VPS52: variants seen among roughly 807,000 people sequenced by gnomAD.
VPS52 encodes VPS52 subunit of GARP complex.
VPS52 carries 56 observed loss-of-function variants against 98.7 expected under a neutral mutation model. The observed-to-expected ratio is 0.57, with a 90% CI of 0.46 to 0.71. The LOEUF (loss-of-function observed/expected upper bound fraction) is 0.71, where lower values mean the gene tolerates loss of function less well. VPS52 is among the 30% of genes least tolerant of loss of function. The pLI is 0.00. For missense variants in VPS52, 742 were observed against 925.9 expected (o/e 0.80, Z 2.58); for synonymous variants, 348 against 346.4 (o/e 1.00, Z -0.05).
At position 33,271,296 on chromosome 6, in the gene VPS52, C is replaced by T. The variant is rs550322986; in HGVS notation, c.90+290G>A. 9.5e-5 allele frequency: 60 copies of T among 633,358 alleles called. No individual in the cohort carries two copies. In the Admixed American group the frequency reaches 1.1e-3, roughly 12 times the overall value. 39.2% of individuals were successfully genotyped at this position (633,358 alleles called of 1,614,324 possible). On this transcript the variant is annotated intron_variant, in intron 1 of 19. Coordinates refer to ENST00000445902, the MANE Select transcript of VPS52 (RefSeq NM_022553.6). ...CAGCGTGTAAGTGGCAGAGATAGAA[C>T]TCAGGCAGTCTGGCTTCAGAGGCCA...
upstream of VPS52, chr6:33,271,949 G>A: frequency 9.5e-7 from 1 of 1,054,728 alleles, no homozygotes; most frequent in South Asian, 1.6e-5. Context: ...CGGAAGTTGT[G>A]GTACCCAAGC....
rs1764643028 is a variant in VPS52, at chr6:33,268,763, T to C, written c.549-114A>G. On this transcript the variant is annotated intron_variant, in intron 6 of 19. Transcript: ENST00000445902. This position sits in a 1 kb window ranked among gnomAD's most constrained non-coding sequence, Gnocchi z 4.0. ...CTGTCATCTCTACCACCTTGCATTG[T>C]ACCATATAGTCAGGACACATGTACA... 7.6e-7 allele frequency: 1 copy of C among 1,314,852 alleles called. No homozygotes were observed. The highest frequency in any genetic ancestry group is 1.5e-5 in the African/African-American group (1 of 67,308). The allele number at this position is 1,314,852 out of a possible 1,614,324, so 81.4% of individuals were successfully genotyped here.
intron 17 of VPS52, among the ~76,000 whole-genome samples, chr6:33,256,588 T>C (rs1009385068): frequency 2.0e-5 from 3 of 147,026 alleles, no homozygotes; most frequent in African/African-American, 7.5e-5. Context: ...CTATAGACAA[T>C]GTAATTCTAA....
intron 17 of VPS52, 43 bp from the exon 18 acceptor site, chr6:33,252,014 G>T: frequency 6.4e-7 from 1 of 1,556,182 alleles, no homozygotes; most frequent in Non-Finnish European, 8.8e-7. Flanking sequence ...CCTGGTGTCA[G>T]CAGATTTGCC....
intron 16 of VPS52, 83 bp downstream of exon 16, chr6:33,263,689 C>T: frequency 1.9e-6 from 3 of 1,584,686 alleles, no homozygotes; most frequent in African/African-American, 2.7e-5. Context: ...AGACAGGCAT[C>T]ATCTCTGCCC....
chr6:33,268,876 G>A lies in VPS52; in HGVS notation c.548+138C>T. 1 of 1,227,756 alleles carries A rather than the reference G, an allele frequency of 8.1e-7. No homozygotes were observed. Among genetic ancestry groups the A allele is most frequent in the Non-Finnish European group, 1.1e-6 (1 of 886,978 alleles). The allele number at this position is 1,227,756 out of a possible 1,614,324, so 76.1% of individuals were successfully genotyped here. ...CTTTGATGCCTAATGCATACCTAAAGAAATGGTGGTTAACCTGGCTACTAA... is the reference window on the plus strand; with the variant it reads ...CTTTGATGCCTAATGCATACCTAAAAAAATGGTGGTTAACCTGGCTACTAA... On this transcript the variant is annotated intron_variant, in intron 6 of 19. Coordinates refer to ENST00000445902, the MANE Select transcript of VPS52 (RefSeq NM_022553.6). This position sits in a 1 kb window ranked among gnomAD's most constrained non-coding sequence, Gnocchi z 4.0.
chr6:33,266,535 G>A, intron 12 of VPS52, 22 bp downstream of exon 12: 4 of 1,581,972 alleles, frequency 2.5e-6, no homozygotes, highest in Non-Finnish European at 3.4e-6. Context: ...GTGTTGAATG[G>A]TACAGGAAAC....
chr6:33,264,996 T>G, intron 12 of VPS52, 96 bp from the exon 13 acceptor site: 2 of 1,061,210 alleles, frequency 1.9e-6, no homozygotes, highest in South Asian at 1.3e-5. Context: ...TTGGGGATGA[T>G]GCACTGGACA....
rs777782546 is a variant in VPS52, at chr6:33,269,806, C to T, written c.242G>A (p.Arg81His). 33 of 1,613,440 alleles carry T rather than the reference C, an allele frequency of 2.0e-5. No individual in the cohort carries two copies. Among genetic ancestry groups the T allele is most frequent in the South Asian group, 5.5e-5 (5 of 91,062 alleles). ...CAGCTCAACTTGCTTTGAATAGTGA[C>T]GGAGATCTACACCCTGGGAGAACAT... ...KEALKTGVDL[R>H]HYSKQVELEL... is the part of the protein sequence containing the mutation. The change falls in exon 4 of 20, where the codon CGT (arginine) becomes CAT (histidine). Residue 81 changes from arginine to histidine, a missense_variant. Physicochemically the swap from Arg to His is conservative, Grantham distance 29. Transcript: ENST00000445902.
At chr6:33,265,284 C>G (rs1339900972) in intron 12 of VPS52, among the ~76,000 whole-genome samples, 5 of 152,180 alleles carry the variant, frequency 3.3e-5, no homozygotes, top group Non-Finnish European at 7.3e-5. Flanking sequence ...TCATGTTGGT[C>G]AAGCTGGTCT....
chr6:33,264,808 T>C lies in VPS52; in HGVS notation c.1374A>G (p.Ala458=), dbSNP rs774361934. The change falls in exon 13 of 20, where the codon GCA becomes GCG. Residue 458 remains alanine (A), a synonymous_variant. Transcript: ENST00000445902. ...HIVLRFRNIA[A]KRDVPALDRY... is the part of the protein sequence containing the mutation. The stretch of plus-strand genomic sequence containing the variant: ...TGTCCAGGGCAGGAACATCCCTCTT[T>C]GCTGCAATGTTACGGAACCGGAGAA... 1 of 1,613,040 alleles carries C rather than the reference T, an allele frequency of 6.2e-7. No homozygotes were observed. Among genetic ancestry groups the C allele is most frequent in the South Asian group, 1.1e-5 (1 of 91,078 alleles).
rs375078696 is a variant in VPS52, at chr6:33,271,600, C to T, written c.76G>A (p.Glu26Lys). The T allele has an allele frequency of 3.0e-5, 49 of 1,609,746 alleles. No homozygotes were observed. The African/African-American group carries it at 5.5e-4, about 18-fold the overall frequency. The change falls in exon 1 of 20, where the codon GAA becomes AAA. Residue 26 changes from glutamate to lysine, a missense_variant. By Grantham distance (56) the Glu-to-Lys change is moderately conservative. This residue lies in a region of VPS52 where 152 missense variants were observed against 132.6 expected (regional missense o/e 1.15). Transcript: ENST00000445902. Reference sequence around the variant, plus strand: ...CGCGCTCTCACCAGCGGGCCCTCTTCCTCCTCCATATCTGAGGTCCCAGCC... The same window carrying T: ...CGCGCTCTCACCAGCGGGCCCTCTTTCTCCTCCATATCTGAGGTCCCAGCC... ...LRAGTSDMEEEEGPLAGGPGL... is the reference protein window; with the variant it reads ...LRAGTSDMEEKEGPLAGGPGL...
chr6:33,252,305 T>C (rs571016571), intron 17 of VPS52, among the ~76,000 whole-genome samples: 15 of 152,256 alleles, frequency 9.9e-5, no homozygotes, highest in African/African-American at 3.4e-4. Flanking sequence ...AAGTTAAGGA[T>C]AGGCCGGGCA....
At chr6:33,251,358 A>G (rs920390895) in intron 19 of VPS52, among the ~76,000 whole-genome samples, 160 bp downstream of exon 19, 7 of 151,890 alleles carry the variant, frequency 4.6e-5, no homozygotes, top group African/African-American at 1.7e-4. Context: ...AAAACAAAAC[A>G]AACAAAAAAA....
chr6:33,265,561 A>G (rs1008756958), intron 12 of VPS52, among the ~76,000 whole-genome samples: 1 of 152,004 alleles, frequency 6.6e-6, no homozygotes, highest in Non-Finnish European at 1.5e-5. Context: ...TTGTAGAGAC[A>G]AGGTCTTGCC....
intron 19 of VPS52, 55 bp downstream of exon 19, chr6:33,251,463 G>A: frequency 8.1e-7 from 1 of 1,237,742 alleles, no homozygotes; most frequent in South Asian, 1.3e-5. Flanking sequence ...GCAAAAAGAT[G>A]GGGAAAATAA....
At chr6:33,254,064 G>C (rs1467587292) in intron 17 of VPS52, among the ~76,000 whole-genome samples, 2 of 151,994 alleles carry the variant, frequency 1.3e-5, no homozygotes, top group East Asian at 3.9e-4. Context: ...CAGACAGAAA[G>C]ATCTGGTAAG....
chr6:33,269,974 A>T (rs761026304), intron 3 of VPS52, 25 bp downstream of exon 3: 1 of 1,614,028 alleles, frequency 6.2e-7, no homozygotes, highest in Admixed American at 1.7e-5. Flanking sequence ...ATAGAAGGGC[A>T]GATTAGTACA....
intron 1 of VPS52, 81 bp from the exon 2 acceptor site, chr6:33,270,364 A>T: frequency 7.5e-7 from 1 of 1,327,188 alleles, no homozygotes; most frequent in Non-Finnish European, 1.1e-6. Flanking sequence ...CCAGTCCTTC[A>T]AGTGAGAAGG....
Sources: gnomAD v4.1 joint callset for allele counts (sites outside exome capture counted in the v4.1 genomes callset) on GRCh38, gnomAD v4.1.1 for gene constraint, gnomAD v4.1.1 regional missense constraint, Gnocchi (gnomAD v3.1) non-coding constraint, MANE v1.5 for transcripts, NCBI Gene and HGNC (gene_info 2026-07-23, HGNC 2026-07-21) for gene names.